ITIH4: variants seen among roughly 807,000 people sequenced by gnomAD.
The protein encoded by ITIH4 is inter-alpha-trypsin inhibitor heavy chain 4, also known as inter-alpha-trypsin inhibitor heavy chain H4.
ITIH4 carries 79 observed loss-of-function variants against 111.8 expected under a neutral mutation model. The ratio of observed to expected loss-of-function variants is 0.71; its 90% CI spans 0.59 to 0.85. ITIH4 has a LOEUF of 0.85. Among genes scored for constraint, ITIH4 ranks in the 40% least tolerant of loss-of-function variants. The probability of loss-of-function intolerance (pLI) is 0.00; values close to 1 mark genes in which losing one functional copy is unlikely to be tolerated. For synonymous variants in ITIH4, 472 were observed against 468.3 expected, an observed-to-expected ratio of 1.01 and a Z score of -0.10; for missense variants, 1,065 against 1,195.8, an observed-to-expected ratio of 0.89 and a Z score of 1.61.
intron 11 of ITIH4, chr3:52,822,417 A>T (rs1035513293): frequency 6.6e-6 from 1 of 152,192 alleles, no homozygotes; most frequent in African/African-American, 2.4e-5. Flanking sequence ...ATAAGTAAAT[A>T]ACCACTAAAA....
chr3:52,825,051 C>G (rs1392852207), intron 6 of ITIH4, 93 bp from the exon 7 acceptor site: 5 of 830,782 alleles, frequency 6.0e-6, no homozygotes, highest in Non-Finnish European at 9.5e-6. Flanking sequence ...GGTTTCTGTG[C>G]TCTGTTCCAA....
Position 52,820,982 on chromosome 3 carries a change from T to C in ITIH4, c.1679+9A>G, listed in dbSNP as rs777843107. 1.7e-5 allele frequency: 27 copies of C among 1,613,210 alleles called. No individual in the cohort carries two copies. The highest frequency in any genetic ancestry group is 1.8e-5 in the Non-Finnish European group (21 of 1,179,438). ...AGCGACAGGCTTAGGGAGGTGCTGA[T>C]GCACTCACGTTTGCTCCAGCAGCTG... On this transcript the variant is annotated intron_variant, in intron 12 of 23. Coordinates refer to ENST00000266041, the MANE Select transcript of ITIH4 (RefSeq NM_002218.5).
Position 52,825,887 on chromosome 3 carries a change from T to C in ITIH4, c.758A>G (p.Gln253Arg), listed in dbSNP as rs200235097. 2 of 1,613,498 alleles carry C rather than the reference T, an allele frequency of 1.2e-6. No individual in the cohort carries two copies. Among genetic ancestry groups the C allele is most frequent in the East Asian group, 4.5e-5 (2 of 44,866 alleles). The change falls in exon 6 of 24, where the codon CAG becomes CGG. Residue 253 changes from glutamine (Q) to arginine (R), a missense_variant and splice_region_variant. Transcript: ENST00000266041. ...TGCTCTTGCCTGAAGTCCACCCACC[T>C]GAATGGAGCCCCCGGAGATGGCCCG... is the stretch of plus-strand genomic sequence containing the variant. ...VDRAISGGSI[Q>R]IENGYFVHYF...
chr3:52,817,985 G>T, intron 20 of ITIH4, 67 bp downstream of exon 20: 1 of 1,216,854 alleles, frequency 8.2e-7, no homozygotes, highest in Non-Finnish European at 1.2e-6. Context: ...CGCTGTGTGT[G>T]TCTCTGTAGG....
chr3:52,824,048 G>C lies in ITIH4; in HGVS notation c.1172-44C>G, dbSNP rs904992233. ...GATGAGGGTGAGAAAATAGTGATTT[G>C]CTTGAAGAATATTTCTGGAACCTCA... On this transcript the variant is annotated intron_variant, in intron 9 of 23. Coordinates refer to ENST00000266041, the MANE Select transcript of ITIH4 (RefSeq NM_002218.5). This position sits in a 1 kb window ranked among gnomAD's most constrained non-coding sequence, Gnocchi z 4.3. The C allele has an allele frequency of 7.8e-6, 12 of 1,543,450 alleles. No homozygotes were observed. The highest frequency in any genetic ancestry group is 1.4e-5 in the African/African-American group (1 of 72,846).
At chr3:52,821,238 C>T in intron 11 of ITIH4, 108 bp from the exon 12 acceptor site, 2 of 1,348,250 alleles carry the variant, frequency 1.5e-6, no homozygotes, top group Non-Finnish European at 2.0e-6. Context: ...GTCCCACACA[C>T]TGACTGTGGG....
Position 52,826,017 on chromosome 3 carries a change from G to A in ITIH4, c.631-3C>T, listed in dbSNP as rs778880634. On this transcript the variant is annotated splice_region_variant and splice_polypyrimidine_tract_variant and intron_variant, in intron 5 of 23. Transcript: ENST00000266041. ...GTTGGCTTGAACCGGATGTGAGCCT[G>A]GAGGAATAATCCGGGCTGAAGTTGG... is the stretch of plus-strand genomic sequence containing the variant. 1.9e-6 allele frequency: 3 copies of A among 1,614,036 alleles called. No individual in the cohort carries two copies. Among genetic ancestry groups the A allele is most frequent in the South Asian group, 1.1e-5 (1 of 91,062 alleles).
chr3:52,819,591 A>G, intron 16 of ITIH4, 73 bp from the exon 17 acceptor site: 1 of 1,604,552 alleles, frequency 6.2e-7, no homozygotes, highest in African/African-American at 1.3e-5. Flanking sequence ...CTTGAGATCC[A>G]CCCAGGAGTG....
At chr3:52,815,709 C>A (rs745756475) in intron 21 of ITIH4, among the ~76,000 whole-genome samples, 20 of 143,604 alleles carry the variant, frequency 1.4e-4, no homozygotes, top group Non-Finnish European at 2.4e-4. Flanking sequence ...TTCCTTTTTT[C>A]GGAGATAGGG....
In ITIH4 at chr3:52,826,565, G is replaced by A. The variant is rs1201424366; in HGVS notation, c.606C>T (p.Leu202=). The A allele has an allele frequency of 9.3e-6, 15 of 1,613,852 alleles. No individual in the cohort carries two copies. Among genetic ancestry groups the A allele is most frequent in the African/African-American group, 2.7e-5 (2 of 74,938 alleles). The change falls in exon 5 of 24, where the codon CTC becomes CTT. Residue 202 remains leucine, a synonymous_variant. Coordinates refer to ENST00000266041, the MANE Select transcript of ITIH4 (RefSeq NM_002218.5). The part of the protein sequence containing the change: ...TFMTNQLVDA[L]TTWQNKTKAH... ...CCTTGGTCTTATTCTGCCAGGTGGT[G>A]AGGGCGTCTACCAGCTGGTTGGTCA...
intron 2 of ITIH4, among the ~76,000 whole-genome samples, chr3:52,828,210 G>A (rs1559482725): frequency 6.6e-6 from 1 of 152,206 alleles, no homozygotes; most frequent in Non-Finnish European, 1.5e-5. Context: ...ACAGTCTTGG[G>A]CTCTCAGCAG....
intron 13 of ITIH4, 106 bp from the exon 14 acceptor site, chr3:52,820,423 C>A: frequency 7.6e-7 from 1 of 1,318,254 alleles, no homozygotes. Flanking sequence ...ATCTTGCTAC[C>A]CAATCCTGGA....
At chr3:52,825,807 G>T in intron 6 of ITIH4, 79 bp downstream of exon 6, 1 of 1,501,656 alleles carries the variant, frequency 6.7e-7, no homozygotes. Flanking sequence ...TTCTTTTCCT[G>T]TTCTAAAATA....
At chr3:52,829,339 C>T (rs1001596763) in intron 1 of ITIH4, 60 bp from the exon 2 acceptor site, 38 of 1,533,270 alleles carry the variant, frequency 2.5e-5, no homozygotes, top group South Asian at 1.8e-4. Context: ...CTCGGGGTGA[C>T]GCTCTTCAAG....
In ITIH4 at chr3:52,829,267, T is replaced by C. The variant is rs1350743106; in HGVS notation, c.103A>G (p.Ile35Val). The C allele has an allele frequency of 1.2e-6, 2 of 1,610,058 alleles. No individual in the cohort carries two copies. The highest frequency in any genetic ancestry group is 2.7e-5 in the African/African-American group (2 of 74,960). ...CTGGAGTCCACGGTGAGGCTGTAGA[T>C]GTCGATGCCATTCTGGACCAGCAAA... is the stretch of plus-strand genomic sequence containing the variant. ...TTTAEKNGID[I>V]YSLTVDSRVS... Residue 35 changes from isoleucine (I) to valine (V), a missense_variant, in exon 2 of 24, where the codon ATC becomes GTC. Ile to Val is a conservative substitution (Grantham distance 29). Transcript: ENST00000266041.
intron 11 of ITIH4, 86 bp from the exon 12 acceptor site, chr3:52,821,216 G>T (rs1403224324): frequency 7.3e-6 from 11 of 1,503,064 alleles, no homozygotes; most frequent in Non-Finnish European, 9.0e-6. Context: ...TCCATGATTG[G>T]GGCTGGGGCA....
intron 2 of ITIH4, 95 bp downstream of exon 2, chr3:52,829,024 A>C: frequency 8.5e-7 from 1 of 1,173,408 alleles, no homozygotes; most frequent in Non-Finnish European, 1.2e-6. Context: ...ACACCCTGGC[A>C]TGCCTTACTT....
Position 52,824,032 on chromosome 3 carries a change from G to T in ITIH4, c.1172-28C>A. ...GGACCCAGGGGTTTGGGATGAGGGT[G>T]AGAAAATAGTGATTTGCTTGAAGAA... On this transcript the variant is annotated intron_variant, in intron 9 of 23. Coordinates refer to ENST00000266041, the MANE Select transcript of ITIH4 (RefSeq NM_002218.5). This position sits in a 1 kb window ranked among gnomAD's most constrained non-coding sequence, Gnocchi z 4.3. 6.5e-7 allele frequency: 1 copy of T among 1,543,288 alleles called. No homozygotes were observed. Among genetic ancestry groups the T allele is most frequent in the South Asian group, 1.3e-5 (1 of 79,100 alleles).
rs1559477161 is a variant in ITIH4, at chr3:52,814,362, G to A, written c.2473C>T (p.Leu825=). 6.2e-7 allele frequency: 1 copy of A among 1,613,868 alleles called. No individual in the cohort carries two copies. The change falls in exon 22 of 24, where the codon CTG becomes TTG. Residue 825 remains leucine (L), a splice_region_variant and synonymous_variant. Coordinates refer to ENST00000266041, the MANE Select transcript of ITIH4 (RefSeq NM_002218.5). ...KETLFSVMPG[L]KMTMDKTGLL... The stretch of plus-strand genomic sequence containing the variant: ...CCCGTCTTGTCCATGGTCATCTTCA[G>A]GCTGTGGAAAGACCCAGTGTCTTGA...
Sources: allele counts gnomAD v4.1 joint callset (sites outside exome capture counted in the v4.1 genomes callset), GRCh38; gene constraint gnomAD v4.1.1; non-coding constraint Gnocchi (gnomAD v3.1); transcripts MANE v1.5; gene names NCBI Gene and HGNC (gene_info 2026-07-23, HGNC 2026-07-21).